Variants in PDZD2 observed in about 807,000 individuals in gnomAD.
The protein encoded by PDZD2 is PDZ domain containing 2.
A neutral mutation model predicts 220.7 loss-of-function variants in PDZD2; 90 were observed. That is an observed-to-expected ratio of 0.41 (90% confidence interval 0.34 to 0.49). The LOEUF (loss-of-function observed/expected upper bound fraction) is 0.49. Among genes scored for constraint, PDZD2 ranks in the 20% least tolerant of loss-of-function variants. The probability of loss-of-function intolerance (pLI) is 0.28; values close to 1 mark genes in which losing one functional copy is unlikely to be tolerated. For missense variants in PDZD2, 3,174 were observed against 3,608.5 expected (o/e 0.88, Z 3.08); for synonymous variants, 1,375 against 1,450.5 (o/e 0.95, Z 1.18).
intron 1 of PDZD2, among the ~76,000 whole-genome samples, chr5:31,685,878 T>C (rs1418484590): frequency 6.6e-6 from 1 of 152,056 alleles, no homozygotes; most frequent in African/African-American, 2.4e-5. Context: ...GTTTTTACTA[T>C]GTATTTATGA....
At chr5:31,817,597 T>C (rs1755547823) in intron 2 of PDZD2, among the ~76,000 whole-genome samples, 2 of 152,244 alleles carry the variant, frequency 1.3e-5, no homozygotes, top group African/African-American at 2.4e-5. Flanking sequence ...AATCTTGAAG[T>C]ATATTTAACT....
chr5:31,829,323 A>G (rs1008090794), intron 2 of PDZD2, among the ~76,000 whole-genome samples: 2 of 139,404 alleles, frequency 1.4e-5, no homozygotes, highest in Admixed American at 7.7e-5. Context: ...AAAAGTATTC[A>G]GCTTAGTGAA....
At chr5:31,808,313 G>T (rs57654038) in intron 2 of PDZD2, among the ~76,000 whole-genome samples, 4,250 of 152,284 alleles carry the variant, frequency 0.028, 184 homozygotes, top group African/African-American at 0.097. Flanking sequence ...ATACACTTTA[G>T]AAAGATTTCC....
chr5:31,711,626 CCT>C (rs982399324), intron 1 of PDZD2, among the ~76,000 whole-genome samples: 1 of 152,172 alleles, frequency 6.6e-6, no homozygotes, highest in African/African-American at 2.4e-5. Context: ...CCACCCACTT[CCT>C]CTGTGACCCT....
chr5:31,694,134 C>A (rs531793769), intron 1 of PDZD2, among the ~76,000 whole-genome samples: 3 of 152,120 alleles, frequency 2.0e-5, no homozygotes, highest in South Asian at 2.1e-4. Flanking sequence ...GGTGCGGTGG[C>A]AATCCCAGCA....
rs2112419567 is a variant in PDZD2 at position 32,077,506 on chromosome 5, C to T, written c.3582C>T (p.Thr1194=). The change falls in exon 19 of 25, where the codon ACC becomes ACT. Residue 1194 remains threonine (T), a synonymous_variant. Coordinates refer to ENST00000438447, the MANE Select transcript of PDZD2 (RefSeq NM_178140.4). The part of the protein sequence containing the change: ...KLTTGDACVS[T]SCELASALSH... ...CCACTGGAGATGCTTGTGTCTCTACCAGCTGTGAACTAGCCAGTGCTCTGT... is the reference window on the plus strand; with the variant it reads ...CCACTGGAGATGCTTGTGTCTCTACTAGCTGTGAACTAGCCAGTGCTCTGT... The T allele has an allele frequency of 6.2e-7, 1 of 1,613,910 alleles. No individual in the cohort carries two copies. The highest frequency in any genetic ancestry group is 8.5e-7 in the Non-Finnish European group (1 of 1,179,794).
At chr5:31,840,066 A>G (rs1279114990) in intron 2 of PDZD2, among the ~76,000 whole-genome samples, 1 of 152,014 alleles carries the variant, frequency 6.6e-6, no homozygotes, top group Non-Finnish European at 1.5e-5. Context: ...GTATCTACCA[A>G]AAAATACAGA....
At chr5:31,956,758 C>CAAAAAA (rs70957986) in intron 2 of PDZD2, among the ~76,000 whole-genome samples, 2 of 73,704 alleles carry the variant, frequency 2.7e-5, no homozygotes, top group Non-Finnish European at 4.8e-5. Flanking sequence ...GACTCCATCT[C>CAAAAAA]AAAAAAAAAA....
In PDZD2 at chr5:32,059,092, A is replaced by G. The variant is rs532643816; in HGVS notation, c.2201-147A>G. On this transcript the variant is annotated intron_variant, in intron 12 of 24. Coordinates refer to ENST00000438447, the MANE Select transcript of PDZD2 (RefSeq NM_178140.4). Reference sequence around the variant, plus strand: ...CAGCAGTGGCAAGTGTTGACAAGGAAAAGCTGGATTTACATTCTGAGTCTG... The same window carrying G: ...CAGCAGTGGCAAGTGTTGACAAGGAGAAGCTGGATTTACATTCTGAGTCTG... 361 of 577,974 alleles carry G rather than the reference A, an allele frequency of 6.2e-4. 2 individuals are homozygous for G. Among genetic ancestry groups the G allele is most frequent in the African/African-American group, 6.2e-3 (327 of 53,092 alleles). The allele number at this position is 577,974 out of a possible 1,614,324, so 35.8% of individuals were successfully genotyped here.
rs1230374475 is a variant in PDZD2, at chr5:32,072,290, G to A, written c.2698G>A (p.Glu900Lys). The A allele has an allele frequency of 3.7e-6, 6 of 1,613,738 alleles. No homozygotes were observed. Among genetic ancestry groups the A allele is most frequent in the Non-Finnish European group, 5.1e-6 (6 of 1,179,898 alleles). The change falls in exon 17 of 25, where the codon GAG becomes AAG. Residue 900 changes from glutamate (E) to lysine (K), a missense_variant. Physicochemically the swap from Glu to Lys is moderately conservative, Grantham distance 56 (BLOSUM62 1). Coordinates refer to ENST00000438447, the MANE Select transcript of PDZD2 (RefSeq NM_178140.4). Reference protein sequence around the residue: ...HPGSGCSTSEEGSLPPSTSTH... With the variant: ...HPGSGCSTSEKGSLPPSTSTH... ...GGGAAGTGGCTGCAGCACGTCGGAG[G>A]AGGGCAGCCTGCCTCCCAGCACCTC... is the stretch of plus-strand genomic sequence containing the variant.
chr5:31,818,701 T>G (rs1246957673), intron 2 of PDZD2, among the ~76,000 whole-genome samples: 2 of 152,212 alleles, frequency 1.3e-5, no homozygotes, highest in African/African-American at 4.8e-5. Context: ...ACTTAATTCC[T>G]CAGATACCCC....
intron 24 of PDZD2, among the ~76,000 whole-genome samples, chr5:32,106,881 G>A (rs1162639986): frequency 6.6e-6 from 1 of 152,218 alleles, no homozygotes; most frequent in Non-Finnish European, 1.5e-5. Context: ...TATTGGTGAG[G>A]TCTCTCTTCT....
Position 32,059,413 on chromosome 5 carries a change from C to T in PDZD2, c.2318+57C>T. The T allele has an allele frequency of 1.3e-5, 11 of 846,444 alleles. No homozygotes were observed. In the South Asian group the frequency reaches 1.7e-4, roughly 13 times the overall value. The allele number at this position is 846,444 out of a possible 1,614,324, so 52.4% of individuals were successfully genotyped here. ...GGAGTGTTCATAAATATGAAATATA[C>T]ACGTGTGATATTTGTTCTATTACTT... On this transcript the variant is annotated intron_variant, in intron 13 of 24. Coordinates refer to ENST00000438447, the MANE Select transcript of PDZD2 (RefSeq NM_178140.4).
chr5:32,010,048 C>T lies in PDZD2; in HGVS notation c.1255-282C>T, dbSNP rs572613440. Among the ~76,000 whole-genome samples, 953 of 149,688 alleles carry T rather than the reference C, an allele frequency of 6.4e-3. 11 individuals carry two copies. Among genetic ancestry groups the T allele is most frequent in the African/African-American group, 0.023 (907 of 39,918 alleles). On this transcript the variant is annotated intron_variant, in intron 5 of 24. Coordinates refer to ENST00000438447, the MANE Select transcript of PDZD2 (RefSeq NM_178140.4). The stretch of plus-strand genomic sequence containing the variant: ...GTTGCAATGAGCCGAGATCACGCCA[C>T]TGCACTCCAGCCTGGGCAACAGAGC...
rs894511610 is a variant in PDZD2 at position 32,110,041 on chromosome 5, T to C, written c.*1906T>C. 1.4e-5 allele frequency: 1 copy of C among 71,586 alleles called. No homozygotes were observed. The highest frequency in any genetic ancestry group is 8.0e-5 in the African/African-American group (1 of 12,568). The allele number at this position is 71,586 out of a possible 1,614,324, so 4.4% of individuals were successfully genotyped here. ...CAGTGCAAGGTGCATGCTTGATTGA[T>C]AGATATTGATTGATTGTTTTTCAGT... On this transcript the variant is annotated 3_prime_UTR_variant, in exon 25 of 25. Coordinates refer to ENST00000438447, the MANE Select transcript of PDZD2 (RefSeq NM_178140.4).
rs148672521 is a variant in PDZD2, at chr5:32,090,282, T to C, written c.6834T>C (p.Tyr2278=). 96 of 1,614,068 alleles carry C rather than the reference T, an allele frequency of 5.9e-5. No homozygotes were observed. In the African/African-American group the frequency reaches 1.1e-3, roughly 18 times the overall value. ...GCCTGGCTAATGGACAGGGCATATA[T>C]AGTGTAAAGCCGCTGCTGGACACAT... ...LPSLANGQGI[Y]SVKPLLDTSR... Residue 2278 remains tyrosine (Y), a synonymous_variant, in exon 20 of 25, where the codon TAT becomes TAC. Transcript: ENST00000438447. The surrounding 1 kb of genome is among the most constrained non-coding windows in gnomAD (Gnocchi z 4.3).
At chr5:31,673,781 G>T (rs1746300880) in intron 1 of PDZD2, among the ~76,000 whole-genome samples, 1 of 152,104 alleles carries the variant, frequency 6.6e-6, no homozygotes, top group Non-Finnish European at 1.5e-5. Flanking sequence ...GACCAGCCTG[G>T]CCAACATGGT....
intron 2 of PDZD2, among the ~76,000 whole-genome samples, chr5:31,908,008 GGGA>G (rs1172775946): frequency 3.4e-5 from 5 of 148,906 alleles, no homozygotes; most frequent in Non-Finnish European, 7.4e-5. Flanking sequence ...GCTTGAACCC[GGGA>G]GGCGGAGGCT....
chr5:31,822,593 G>A lies in PDZD2; in HGVS notation c.476+22869G>A, dbSNP rs185689603. 7,915 of 1,206,214 alleles carry A rather than the reference G, an allele frequency of 6.6e-3. 40 individuals carry two copies. The highest frequency in any genetic ancestry group is 7.2e-3 in the Non-Finnish European group (6,160 of 852,528). 74.7% of individuals were successfully genotyped at this position (1,206,214 alleles called of 1,614,324 possible). On this transcript the variant is annotated intron_variant, in intron 2 of 24. Coordinates refer to ENST00000438447, the MANE Select transcript of PDZD2 (RefSeq NM_178140.4). ...GCCTCCTGAATGGTTCGTTTTTTCAGAGACATAGATACCATCCAAAAATTT... is the reference window on the plus strand; with the variant it reads ...GCCTCCTGAATGGTTCGTTTTTTCAAAGACATAGATACCATCCAAAAATTT...
Sources: gnomAD v4.1 joint callset for allele counts (sites outside exome capture counted in the v4.1 genomes callset) on GRCh38, gnomAD v4.1.1 for gene constraint, Gnocchi (gnomAD v3.1) non-coding constraint, MANE v1.5 for transcripts, NCBI Gene and HGNC (gene_info 2026-07-23, HGNC 2026-07-21) for gene names.